The following STK10 variants were observed in gnomAD, a reference collection of about 807,000 sequenced individuals.
STK10 encodes serine/threonine kinase 10, also known as serine/threonine-protein kinase 10.
STK10 carries 78 observed loss-of-function variants against 113.8 expected under a neutral mutation model. The observed-to-expected ratio is 0.69, with a 90% CI of 0.57 to 0.83. STK10 has a LOEUF of 0.83. STK10 is among the 40% of genes least tolerant of loss of function. The pLI, the probability that STK10 is intolerant of heterozygous loss-of-function variation, is 0.00. For synonymous variants in STK10, 465 were observed against 494.7 expected (o/e 0.94, Z 0.80); for missense variants, 1,109 against 1,280.1 (o/e 0.87, Z 2.04).
intron 1 of STK10, among the ~76,000 whole-genome samples, chr5:172,184,043 A>T (rs1246921002): frequency 1.3e-5 from 2 of 152,264 alleles, no homozygotes; most frequent in East Asian, 3.9e-4. Context: ...GCCCAGAAAG[A>T]CCTCAGGAAG....
chr5:172,092,001 C>G (rs1196848904), intron 9 of STK10, among the ~76,000 whole-genome samples: 1 of 141,584 alleles, frequency 7.1e-6, no homozygotes, highest in Non-Finnish European at 1.5e-5. Flanking sequence ...TCCCTGAGGT[C>G]TGGGCCCCTG....
intron 18 of STK10, among the ~76,000 whole-genome samples, chr5:172,047,775 CAG>C (rs1167482407): frequency 6.6e-6 from 1 of 152,080 alleles, no homozygotes; most frequent in Non-Finnish European, 1.5e-5. Context: ...GTTCTCTCCT[CAG>C]AGAGTTTAGG....
chr5:172,112,515 G>C (rs900935458), intron 4 of STK10, among the ~76,000 whole-genome samples: 2 of 150,522 alleles, frequency 1.3e-5, no homozygotes, highest in East Asian at 3.9e-4. Flanking sequence ...CCACCTCCTG[G>C]GTTCACGCCA....
chr5:172,077,066 C>G (rs1768325805), intron 12 of STK10, among the ~76,000 whole-genome samples: 1 of 152,246 alleles, frequency 6.6e-6, no homozygotes, highest in East Asian at 1.9e-4. Flanking sequence ...CCCCCGAGGA[C>G]ATTCACATAC....
chr5:172,048,221 A>G (rs544873311), intron 18 of STK10, among the ~76,000 whole-genome samples: 1 of 152,256 alleles, frequency 6.6e-6, no homozygotes, highest in Admixed American at 6.5e-5. Context: ...ATTACCCTTC[A>G]TCATGTGGGT....
At chr5:172,142,164 C>T (rs373386347) in intron 2 of STK10, among the ~76,000 whole-genome samples, 25 of 152,238 alleles carry the variant, frequency 1.6e-4, no homozygotes, top group African/African-American at 6.0e-4. Context: ...ACCTGCACAC[C>T]TCAATTTAAG....
chr5:172,159,753 G>A (rs1386629735), intron 1 of STK10, among the ~76,000 whole-genome samples: 3 of 151,942 alleles, frequency 2.0e-5, no homozygotes, highest in Non-Finnish European at 4.4e-5. Flanking sequence ...AACCCGGAAG[G>A]CAGAGGTTGC....
intron 15 of STK10, among the ~76,000 whole-genome samples, chr5:172,056,313 G>A (rs1272134667): frequency 1.3e-5 from 2 of 152,260 alleles, no homozygotes; most frequent in East Asian, 3.9e-4. Flanking sequence ...CACAGCTGCT[G>A]TGCATCCAGA....
chr5:172,167,654 CT>C (rs1405932669), intron 1 of STK10, among the ~76,000 whole-genome samples: 2 of 152,192 alleles, frequency 1.3e-5, no homozygotes, highest in Non-Finnish European at 1.5e-5. Flanking sequence ...ATGAGCTGCA[CT>C]GTCTGATACA....
chr5:172,111,519 T>C (rs1581161814), intron 4 of STK10, among the ~76,000 whole-genome samples: 1 of 152,336 alleles, frequency 6.6e-6, no homozygotes, highest in South Asian at 2.1e-4. Context: ...AGCCCCACCT[T>C]GCAGCCCAGA....
At chr5:172,102,354 C>T (rs1211350310) in intron 7 of STK10, among the ~76,000 whole-genome samples, 2 of 152,104 alleles carry the variant, frequency 1.3e-5, no homozygotes, top group African/African-American at 2.4e-5. Flanking sequence ...CTGCCATCGG[C>T]CGAGATGGGA....
chr5:172,096,443 C>T lies in STK10; in HGVS notation c.988G>A (p.Ala330Thr), dbSNP rs202058007. The change falls in exon 8 of 19, where the codon GCC becomes ACC. Residue 330 changes from alanine to threonine, a missense_variant. By Grantham distance (58) the Ala-to-Thr change is moderately conservative. Transcript: ENST00000176763. ...GGCCTTACGGAGGCGGCATCCACGG[C>T]GTCCTCCTCTTCCCCCTCATCCCGG... ...DGRDEGEEEDAVDAASTLENH... is the reference protein window; with the variant it reads ...DGRDEGEEEDTVDAASTLENH... The T allele has an allele frequency of 4.3e-6, 7 of 1,612,886 alleles. No homozygotes were observed. The South Asian group carries it at 4.4e-5, about 10-fold the overall frequency.
intron 2 of STK10, among the ~76,000 whole-genome samples, chr5:172,129,840 G>A (rs558508668): frequency 8.5e-5 from 13 of 152,322 alleles, no homozygotes; most frequent in African/African-American, 3.1e-4. Flanking sequence ...CTGTGAGATG[G>A]GGATGATACA....
rs150865198 is a variant in STK10, at chr5:172,048,913, G to A, written c.2767-3891C>T. ...GGCCGCAGGGGTCTCCTTGTTTCAC[G>A]AGCAAGGTGTCCGGGCCTTTGCAGT... On this transcript the variant is annotated intron_variant, in intron 18 of 18. Transcript: ENST00000176763. Among the ~76,000 whole-genome samples, 490 of 151,686 alleles carry A rather than the reference G, an allele frequency of 3.2e-3. 8 individuals carry two copies. The highest frequency in any genetic ancestry group is 0.011 in the African/African-American group (469 of 41,310).
intron 4 of STK10, 58 bp downstream of exon 4, chr5:172,117,423 G>T: frequency 6.3e-7 from 1 of 1,596,396 alleles, no homozygotes; most frequent in Non-Finnish European, 8.5e-7. Context: ...CAGAGGCCAG[G>T]CCAACACCCC....
At chr5:172,134,111 G>T (rs934194059) in intron 2 of STK10, among the ~76,000 whole-genome samples, 1 of 152,244 alleles carries the variant, frequency 6.6e-6, no homozygotes, top group African/African-American at 2.4e-5. Context: ...ATAAGAGCAA[G>T]AGGCCTGGAC....
chr5:172,126,810 TC>T (rs1321694036), intron 3 of STK10, among the ~76,000 whole-genome samples: 1 of 152,078 alleles, frequency 6.6e-6, no homozygotes, highest in East Asian at 1.9e-4. Flanking sequence ...TCAAAGACCT[TC>T]CTCGGGTATC....
chr5:172,131,435 C>T (rs955199291), intron 2 of STK10, among the ~76,000 whole-genome samples: 17 of 152,224 alleles, frequency 1.1e-4, no homozygotes, highest in African/African-American at 3.9e-4. Flanking sequence ...TCTTATACAA[C>T]GTCCCTGTGC....
intron 1 of STK10, among the ~76,000 whole-genome samples, chr5:172,179,621 C>CCCCCTT (rs1554124651): frequency 6.6e-6 from 1 of 151,758 alleles, no homozygotes; most frequent in African/African-American, 2.4e-5. Context: ...ACGCAGAAGC[C>CCCCCTT]GAAGGGCGTC....
Sources: gnomAD v4.1 joint callset for allele counts (sites outside exome capture counted in the v4.1 genomes callset) on GRCh38, gnomAD v4.1.1 for gene constraint, MANE v1.5 for transcripts, NCBI Gene and HGNC (gene_info 2026-07-23, HGNC 2026-07-21) for gene names.